The following PLCZ1 variants were observed in gnomAD, a reference collection of about 807,000 sequenced individuals.
The protein encoded by PLCZ1 is phospholipase C zeta 1.
Under a neutral mutation model 76.8 loss-of-function variants are expected in PLCZ1, and 64 were observed. The observed-to-expected ratio is 0.83, with a 90% CI of 0.68 to 1.03. The LOEUF is 1.03. Among genes scored for constraint, PLCZ1 ranks in the 50% least tolerant of loss-of-function variants. PLCZ1 has a pLI of 0.00. For missense variants in PLCZ1, 751 were observed against 713.7 expected, an observed-to-expected ratio of 1.05 and a Z score of -0.60; for synonymous variants, 248 against 230.8, an observed-to-expected ratio of 1.07 and a Z score of -0.68.
intron 6 of PLCZ1, among the ~76,000 whole-genome samples, chr12:18,710,845 C>T (rs1318412915): frequency 6.6e-6 from 1 of 152,162 alleles, no homozygotes; most frequent in Non-Finnish European, 1.5e-5. Flanking sequence ...TGCAATCTCA[C>T]ACCAGTTAGA....
At chr12:18,713,485 T>C (rs1390228831) in intron 5 of PLCZ1, among the ~76,000 whole-genome samples, 3 of 152,078 alleles carry the variant, frequency 2.0e-5, no homozygotes, top group East Asian at 1.9e-4. Context: ...AAGGCAAGGA[T>C]AAAGAAAAGA....
At chr12:18,667,639 A>G in the PLCZ1 span, among the ~76,000 whole-genome samples, 3 of 152,154 alleles carry the variant, frequency 2.0e-5, no homozygotes, top group Non-Finnish European at 2.9e-5. Context: ...GTTAGCGTTT[A>G]TTGAAGACCC....
rs79299368 is a variant in PLCZ1, at chr12:18,687,518, C to A, written c.1591+571G>T. ...AAGAAATGGCAATGCCAGTACTATA[C>A]TGTGTAAGATGTCATAGCATGCCAG... On this transcript the variant is annotated intron_variant, in intron 13 of 14. Coordinates refer to ENST00000266505, the MANE Select transcript of PLCZ1 (RefSeq NM_033123.4). 4.3e-3 allele frequency among the ~76,000 whole-genome samples: 648 copies of A among 152,214 alleles called. 4 individuals are homozygous for A. Among genetic ancestry groups the A allele is most frequent in the African/African-American group, 0.015 (608 of 41,566 alleles).
At chr12:18,659,034 G>A in the PLCZ1 span, among the ~76,000 whole-genome samples, 1 of 152,060 alleles carries the variant, frequency 6.6e-6, no homozygotes, top group African/African-American at 2.4e-5. Flanking sequence ...GCTTTGTATT[G>A]GAGAGGCAAG....
At chr12:18,664,617 G>C in the PLCZ1 span, among the ~76,000 whole-genome samples, 1 of 151,970 alleles carries the variant, frequency 6.6e-6, no homozygotes, top group African/African-American at 2.4e-5. Context: ...CAGGGATCTA[G>C]AACTAGAAAG....
chr12:18,699,390 A>G (rs1955570320), intron 10 of PLCZ1, among the ~76,000 whole-genome samples: 1 of 152,136 alleles, frequency 6.6e-6, no homozygotes. Context: ...TATCGTTTAG[A>G]AATAGAGTGG....
intron 12 of PLCZ1, among the ~76,000 whole-genome samples, chr12:18,689,361 G>A (rs920356656): frequency 1.1e-4 from 17 of 152,208 alleles, no homozygotes; most frequent in East Asian, 1.9e-4. Flanking sequence ...TCCAACCTGC[G>A]GGCCACATGT....
chr12:18,716,700 C>G (rs1373036815), intron 5 of PLCZ1, among the ~76,000 whole-genome samples: 1 of 152,172 alleles, frequency 6.6e-6, no homozygotes, highest in Non-Finnish European at 1.5e-5. Flanking sequence ...CCACTCTTAA[C>G]TTTATTTCAT....
intron 12 of PLCZ1, among the ~76,000 whole-genome samples, chr12:18,689,613 A>C (rs764367288): frequency 6.6e-6 from 1 of 152,174 alleles, no homozygotes; most frequent in Non-Finnish European, 1.5e-5. Context: ...TTGTTTGTAC[A>C]GGAGCCAATG....
Position 18,719,522 on chromosome 12 carries a change from G to A in PLCZ1, c.478C>T (p.Pro160Ser). 6.3e-7 allele frequency: 1 copy of A among 1,585,152 alleles called. No individual in the cohort carries two copies. The highest frequency in any genetic ancestry group is 8.6e-7 in the Non-Finnish European group (1 of 1,161,476). Residue 160 changes from proline to serine, a missense_variant, in exon 5 of 15, where the codon CCA becomes TCA. Pro to Ser is a moderately conservative substitution (Grantham distance 74, BLOSUM62 -1). Coordinates refer to ENST00000266505, the MANE Select transcript of PLCZ1 (RefSeq NM_033123.4). ...GATGAAATAAAATAATCATTTAATG[G>A]ATGAGTCATATCTTGATAAACTTTT... ...CRKVYQDMTH[P>S]LNDYFISSSH...
chr12:18,725,487 A>G (rs572137078), intron 3 of PLCZ1, among the ~76,000 whole-genome samples: 1 of 152,242 alleles, frequency 6.6e-6, no homozygotes, highest in East Asian at 1.9e-4. Context: ...GCTGGAAGAA[A>G]AAAAGTCAGT....
In PLCZ1 at chr12:18,737,350, T is replaced by A; in HGVS notation, c.11+11A>T. On this transcript the variant is annotated intron_variant, in intron 2 of 14. Transcript: ENST00000266505. ...GAAGAAGAGGAGCAGAAAGAAGCTC[T>A]CAATGGATATCTCATTTCCATAGTT... The A allele has an allele frequency of 1.2e-6, 2 of 1,612,502 alleles. No individual in the cohort carries two copies. Among genetic ancestry groups the A allele is most frequent in the Non-Finnish European group, 1.7e-6 (2 of 1,178,542 alleles).
downstream of PLCZ1, among the ~76,000 whole-genome samples, chr12:18,682,390 G>A (rs572695853): frequency 3.3e-5 from 5 of 152,054 alleles, no homozygotes; most frequent in Admixed American, 3.3e-4. Context: ...GTCAAACTTT[G>A]TGCTGGGTGC....
the PLCZ1 span, among the ~76,000 whole-genome samples, chr12:18,650,704 G>GTATATA: frequency 1.0e-4 from 6 of 57,764 alleles, no homozygotes; most frequent in Admixed American, 1.6e-4. Context: ...GTGTGTGTGT[G>GTATATA]TATATATCTA....
At chr12:18,679,407 A>G (rs1952225294), downstream of PLCZ1, among the ~76,000 whole-genome samples, 1 of 152,026 alleles carries the variant, frequency 6.6e-6, no homozygotes, top group Non-Finnish European at 1.5e-5. Context: ...TTTCTTCTAG[A>G]AGTTTCATAA....
At chr12:18,676,176 A>C in the PLCZ1 span, among the ~76,000 whole-genome samples, 1 of 152,120 alleles carries the variant, frequency 6.6e-6, no homozygotes, top group Non-Finnish European at 1.5e-5. Context: ...AACTGAATAC[A>C]TGGAACTGAA....
chr12:18,648,626 A>G, the PLCZ1 span, among the ~76,000 whole-genome samples: 5 of 152,086 alleles, frequency 3.3e-5, no homozygotes, highest in Non-Finnish European at 1.5e-5. Flanking sequence ...CCACCAATCA[A>G]TTCATTGTCA....
the PLCZ1 span, among the ~76,000 whole-genome samples, chr12:18,658,416 TAAAG>T: frequency 6.6e-6 from 1 of 151,854 alleles, no homozygotes; most frequent in Non-Finnish European, 1.5e-5. Context: ...AAGCAAAAGA[TAAAG>T]AATCGTAAAA....
At chr12:18,736,715 C>A in intron 2 of PLCZ1, 2 of 1,283,398 alleles carry the variant, frequency 1.6e-6, no homozygotes, top group Admixed American at 2.3e-5. Context: ...TTTTAGTTCT[C>A]TCTTCCAGAA....
Sources: gnomAD v4.1 joint callset for allele counts (sites outside exome capture counted in the v4.1 genomes callset) on GRCh38, gnomAD v4.1.1 for gene constraint, MANE v1.5 for transcripts, NCBI Gene and HGNC (gene_info 2026-07-23, HGNC 2026-07-21) for gene names.